The following CCDC187 variants were observed in gnomAD, a reference collection of about 807,000 sequenced individuals.
CCDC187 encodes coiled-coil domain-containing protein 187.
Under a neutral mutation model 38.0 loss-of-function variants are expected in CCDC187, and 32 were observed. The ratio of observed to expected loss-of-function variants is 0.84; its 90% confidence interval spans 0.64 to 1.13. The LOEUF (loss-of-function observed/expected upper bound fraction) is 1.13, where lower values mean the gene tolerates loss of function less well. Among genes scored for constraint, CCDC187 ranks in the 50% most tolerant of loss-of-function variants. The pLI, the probability that CCDC187 is intolerant of heterozygous loss-of-function variation, is 0.00. For missense variants in CCDC187, 707 were observed against 786.8 expected (o/e 0.90, Z 1.21); for synonymous variants, 333 against 347.9 (o/e 0.96, Z 0.48).
At chr9:136,300,342 G>A in intron 2 of CCDC187, 24 bp from the exon 3 acceptor site, 1 of 398,618 alleles carries the variant, frequency 2.5e-6, no homozygotes, top group East Asian at 3.6e-5. Context: ...AAAAGAAGAA[G>A]GCAGCGTGAG....
In CCDC187 at chr9:136,291,765, T is replaced by C. The variant is rs1022065758; in HGVS notation, c.968-120A>G. Reference sequence around the variant, plus strand: ...GGTGAGGAGGCCCTCGGGCCCCTGCTGGGCAGAAGCCCTCTGAGGGTGGGC... The same window carrying C: ...GGTGAGGAGGCCCTCGGGCCCCTGCCGGGCAGAAGCCCTCTGAGGGTGGGC... On this transcript the variant is annotated intron_variant, in intron 5 of 25. Transcript: ENST00000638797. 182 of 397,806 alleles carry C rather than the reference T, an allele frequency of 4.6e-4. 1 individual carries two copies. The highest frequency in any genetic ancestry group is 3.3e-3 in the African/African-American group (159 of 48,756). 24.6% of individuals were successfully genotyped at this position (397,806 alleles called of 1,614,324 possible).
At chr9:136,289,534 A>G in intron 7 of CCDC187, among the ~76,000 whole-genome samples, 1 of 151,276 alleles carries the variant, frequency 6.6e-6, no homozygotes, top group Non-Finnish European at 1.5e-5. Flanking sequence ...AAAAAAAAAA[A>G]AAAAAAAAGA....
chr9:136,293,465 T>TGCTCACA (rs1831426925), intron 4 of CCDC187, among the ~76,000 whole-genome samples: 1 of 48,268 alleles, frequency 2.1e-5, no homozygotes, highest in African/African-American at 7.3e-5. Context: ...ACACTCACAC[T>TGCTCACA]CACATGCTCA....
intron 6 of CCDC187, among the ~76,000 whole-genome samples, chr9:136,290,254 G>A (rs1386155506): frequency 1.3e-5 from 2 of 150,784 alleles, no homozygotes; most frequent in African/African-American, 2.4e-5. Flanking sequence ...CAGGGGCAAA[G>A]GCGCCCAGGT....
chr9:136,269,766 G>C (rs1327920263), intron 14 of CCDC187, among the ~76,000 whole-genome samples: 2 of 152,202 alleles, frequency 1.3e-5, no homozygotes, highest in African/African-American at 4.8e-5. Flanking sequence ...AACCAGTAAT[G>C]AGCAGGATAA....
At position 136,250,517 on chromosome 9, in the gene CCDC187, C is replaced by T. The variant is rs1554759156; in HGVS notation, c.*3077G>A. On this transcript the variant is annotated 3_prime_UTR_variant, in exon 26 of 26. Transcript: ENST00000638797. ...ATACATAATTCCTCTCACACGGCCT[C>T]ATAAATCCAAAAGGGTCAGCAATAA... 3 of 347,096 alleles carry T rather than the reference C, an allele frequency of 8.6e-6. No individual in the cohort carries two copies. Among genetic ancestry groups the T allele is most frequent in the Admixed American group, 4.0e-5 (1 of 24,720 alleles). The allele number at this position is 347,096 out of a possible 1,614,324, so 21.5% of individuals were successfully genotyped here. A position where few individuals can be genotyped will look rare whatever the true frequency, so the allele number is the denominator to read the frequency against.
At chr9:136,298,427 G>A (rs959913855) in intron 3 of CCDC187, among the ~76,000 whole-genome samples, 13 of 152,166 alleles carry the variant, frequency 8.5e-5, no homozygotes, top group South Asian at 2.1e-4. Flanking sequence ...CGAGTGCAGC[G>A]GCCACCGAGA....
At position 136,262,329 on chromosome 9, in the gene CCDC187, G is replaced by C; in HGVS notation, c.4046C>G (p.Ala1349Gly). The C allele has an allele frequency of 1.0e-6, 1 of 986,766 alleles. No homozygotes were observed. The highest frequency in any genetic ancestry group is 5.2e-4 in the Middle Eastern group (1 of 1,920). The allele number at this position is 986,766 out of a possible 1,614,324, so 61.1% of individuals were successfully genotyped here. The part of the protein sequence containing the change: ...STSHRPQSSP[A>G]SSKATRPPTE... ...AACTCACCGCGTGGCCTTTGAGCTT[G>C]CGGGGCTGCTCTGGGGGCGATGGCT... Residue 1349 changes from alanine (A) to glycine (G), a missense_variant, in exon 19 of 26, where the codon GCA becomes GGA. Coordinates refer to ENST00000638797, the MANE Select transcript of CCDC187 (RefSeq NM_001378188.1).
At chr9:136,300,186 G>A (rs993528102) in intron 3 of CCDC187, 34 bp downstream of exon 3, 143 of 398,484 alleles carry the variant, frequency 3.6e-4, no homozygotes, top group African/African-American at 1.9e-3. Context: ...CATCCAACCC[G>A]GAGCACCAGG....
At chr9:136,274,423 C>T (rs1554762890) in intron 14 of CCDC187, among the ~76,000 whole-genome samples, 1 of 152,270 alleles carries the variant, frequency 6.6e-6, no homozygotes, top group African/African-American at 2.4e-5. Flanking sequence ...AACCCAGTTC[C>T]CCGGGCTCAA....
rs1298525025 is a variant in CCDC187, at chr9:136,258,285, T to A, written c.4366+647A>T. Among the ~76,000 whole-genome samples, 1 of 152,152 alleles carries A rather than the reference T, an allele frequency of 6.6e-6. No individual in the cohort carries two copies. Among genetic ancestry groups the A allele is most frequent in the Non-Finnish European group, 1.5e-5 (1 of 67,998 alleles). ...CATCTGTCCTGAGGTTTGCTCTCCC[T>A]GGCCCCAACGGCAGGGACCCCCCAG... On this transcript the variant is annotated intron_variant, in intron 22 of 25. Transcript: ENST00000638797. This position sits in a 1 kb window ranked among gnomAD's most constrained non-coding sequence, Gnocchi z 4.3.
intron 9 of CCDC187, among the ~76,000 whole-genome samples, chr9:136,285,219 G>A (rs1027382979): frequency 6.6e-6 from 1 of 152,130 alleles, no homozygotes; most frequent in African/African-American, 2.4e-5. Flanking sequence ...TGGAGCAGCA[G>A]GCAAGAGGGA....
chr9:136,293,443 T>TCACACACGCTCA (rs1276198478), intron 4 of CCDC187, among the ~76,000 whole-genome samples: 1 of 32,906 alleles, frequency 3.0e-5, no homozygotes. Flanking sequence ...GCTCACACAC[T>TCACACACGCTCA]CACACATGCT....
intron 16 of CCDC187, 82 bp from the exon 17 acceptor site, chr9:136,266,125 G>A: frequency 1.2e-6 from 1 of 816,476 alleles, no homozygotes; most frequent in South Asian, 5.6e-5. Context: ...AGCCAGCCCT[G>A]GTCGGCCACA....
rs1248221136 is a variant in CCDC187 at position 136,293,227 on chromosome 9, ACT to A, written c.833-934_833-933del. 1.3e-3 allele frequency among the ~76,000 whole-genome samples: 188 copies of A among 144,688 alleles called. 1 individual carries two copies. The highest frequency in any genetic ancestry group is 1.9e-3 in the Non-Finnish European group (124 of 66,884). 94.9% of individuals were successfully genotyped at this position (144,688 alleles called of 152,430 possible). On this transcript the variant is annotated intron_variant, in intron 4 of 25. Transcript: ENST00000638797. ...CACAAACACATGCTCACACACTCAC[ACT>A]CACACGCTCACACTCACATGCTTAC...
In CCDC187 at chr9:136,282,785, G is replaced by A. The variant is rs1212956170; in HGVS notation, c.2928-1122C>T. 3.9e-5 allele frequency among the ~76,000 whole-genome samples: 6 copies of A among 152,372 alleles called. No individual in the cohort carries two copies. The East Asian group carries it at 1.2e-3, about 29-fold the overall frequency. On this transcript the variant is annotated intron_variant, in intron 9 of 25. Coordinates refer to ENST00000638797, the MANE Select transcript of CCDC187 (RefSeq NM_001378188.1). ...CCCAACCCCCGCCCGCATTCCTGGT[G>A]CTGCAGGGGAGCTGGACGTGTGCCC...
rs1830530394 is a variant in CCDC187, at chr9:136,251,080, G to T, written c.*2514C>A. On this transcript the variant is annotated 3_prime_UTR_variant, in exon 26 of 26. Coordinates refer to ENST00000638797, the MANE Select transcript of CCDC187 (RefSeq NM_001378188.1). ...GAGTATGCTCCTCTCTGAAGTGGAG[G>T]AGGCCTGAGGCCCTGGACAGGAGAA... 2.2e-6 allele frequency: 1 copy of T among 454,030 alleles called. No homozygotes were observed. Among genetic ancestry groups the T allele is most frequent in the Admixed American group, 2.4e-5 (1 of 42,534 alleles). The allele number at this position is 454,030 out of a possible 1,614,324, so 28.1% of individuals were successfully genotyped here.
At position 136,255,248 on chromosome 9, in the gene CCDC187, G is replaced by A. The variant is rs578078220; in HGVS notation, c.4694-114C>T. 4.2e-5 allele frequency: 19 copies of A among 448,030 alleles called. No homozygotes were observed. The East Asian group carries it at 3.0e-3, about 70-fold the overall frequency. 27.8% of individuals were successfully genotyped at this position (448,030 alleles called of 1,614,324 possible). A position where few individuals can be genotyped will look rare whatever the true frequency, so the allele number is the denominator to read the frequency against. On this transcript the variant is annotated intron_variant, in intron 25 of 25. Coordinates refer to ENST00000638797, the MANE Select transcript of CCDC187 (RefSeq NM_001378188.1). ...AGAGAAACACCCTGAACAGAGGCAG[G>A]AAAAGCGTCGAGGGTGCCAGCGTGT...
At position 136,255,070 on chromosome 9, in the gene CCDC187, G is replaced by T. The variant is rs34091955; in HGVS notation, c.4758C>A (p.Pro1586=). 3 of 985,192 alleles carry T rather than the reference G, an allele frequency of 3.0e-6. No individual in the cohort carries two copies. Among genetic ancestry groups the T allele is most frequent in the Non-Finnish European group, 3.6e-6 (3 of 829,940 alleles). The allele number at this position is 985,192 out of a possible 1,614,324, so 61.0% of individuals were successfully genotyped here. A position where few individuals can be genotyped will look rare whatever the true frequency, so the allele number is the denominator to read the frequency against. The part of the protein sequence containing the change: ...PILHQGSPLL[P]TTSSCGPGSE... ...AGCCTGGACCGCAGGAGGAGGTGGTGGGGAGAAGGGGACTGCCCTGGTGCA... is the reference window on the plus strand; with the variant it reads ...AGCCTGGACCGCAGGAGGAGGTGGTTGGGAGAAGGGGACTGCCCTGGTGCA... Residue 1586 remains proline (P), a synonymous_variant, in exon 26 of 26, where the codon CCC becomes CCA. Transcript: ENST00000638797.
Sources: gnomAD v4.1 joint callset for allele counts (sites outside exome capture counted in the v4.1 genomes callset) on GRCh38, gnomAD v4.1.1 for gene constraint, Gnocchi (gnomAD v3.1) non-coding constraint, MANE v1.5 for transcripts, NCBI Gene and HGNC (gene_info 2026-07-23, HGNC 2026-07-21) for gene names.